The following TRAPPC9 variants were observed in gnomAD, a reference collection of about 807,000 sequenced individuals.
TRAPPC9 encodes the protein IKK2 binding protein.
TRAPPC9 carries 83 observed loss-of-function variants against 124.0 expected under a neutral mutation model. The ratio of observed to expected loss-of-function variants is 0.67; its 90% CI spans 0.56 to 0.80. The LOEUF (loss-of-function observed/expected upper bound fraction) is 0.80, where lower values mean the gene tolerates loss of function less well. TRAPPC9 is among the 30% of genes least tolerant of loss of function. The pLI, the probability that TRAPPC9 is intolerant of heterozygous loss-of-function variation, is 0.00. For missense variants in TRAPPC9, 1,302 were observed against 1,508.3 expected (o/e 0.86, Z 2.27); for synonymous variants, 638 against 617.5 (o/e 1.03, Z -0.49).
intron 21 of TRAPPC9, among the ~76,000 whole-genome samples, chr8:139,790,016 TG>T (rs1822543401): frequency 6.6e-6 from 1 of 152,016 alleles, no homozygotes; most frequent in African/African-American, 2.4e-5. Context: ...TGGGGTTATT[TG>T]GGGCCTGGCC....
intron 20 of TRAPPC9, among the ~76,000 whole-genome samples, chr8:139,893,063 G>A (rs754957659): frequency 2.0e-5 from 3 of 152,212 alleles, no homozygotes; most frequent in Non-Finnish European, 2.9e-5. Flanking sequence ...GGCCCTGTGG[G>A]AGTTAAACTC....
At chr8:139,791,243 G>A (rs766386494) in intron 21 of TRAPPC9, among the ~76,000 whole-genome samples, 2 of 152,084 alleles carry the variant, frequency 1.3e-5, no homozygotes, top group Non-Finnish European at 2.9e-5. Context: ...AGACACACTC[G>A]CACTCTAACA....
chr8:139,742,419 T>A lies in TRAPPC9; in HGVS notation c.3056-10217A>T, dbSNP rs1397937567. ...AGAACCCTCCAGAACTCCAAGCCCT[T>A]GACCTCCATATTTCAGGAGTTTCTC... On this transcript the variant is annotated intron_variant, in intron 21 of 22. Transcript: ENST00000438773. This position sits in a 1 kb window ranked among gnomAD's most constrained non-coding sequence, Gnocchi z 4.7. 3.3e-5 allele frequency among the ~76,000 whole-genome samples: 5 copies of A among 152,192 alleles called. No individual in the cohort carries two copies. The highest frequency in any genetic ancestry group is 9.6e-5 in the African/African-American group (4 of 41,456).
chr8:139,818,939 C>A (rs929884261), intron 21 of TRAPPC9, among the ~76,000 whole-genome samples: 19 of 152,214 alleles, frequency 1.2e-4, no homozygotes, highest in Non-Finnish European at 2.5e-4. Context: ...ACATCTTAAC[C>A]ACAAGATTGA....
At chr8:140,395,408 A>T (rs2069060808) in intron 7 of TRAPPC9, among the ~76,000 whole-genome samples, 1 of 152,234 alleles carries the variant, frequency 6.6e-6, no homozygotes. Context: ...GAACTGAGGC[A>T]CACAGAGGTT....
intron 11 of TRAPPC9, among the ~76,000 whole-genome samples, chr8:140,295,966 A>G (rs2065792482): frequency 6.6e-6 from 1 of 152,224 alleles, no homozygotes; most frequent in Admixed American, 6.5e-5. Context: ...ATTTGTCCTC[A>G]GCCCAGATGA....
At chr8:139,996,649 T>C (rs1318051422) in intron 18 of TRAPPC9, among the ~76,000 whole-genome samples, 2 of 152,042 alleles carry the variant, frequency 1.3e-5, no homozygotes, top group Admixed American at 1.3e-4. Context: ...AAATAAATAA[T>C]GGCCACACCC....
chr8:140,314,340 A>G (rs2066388923), intron 9 of TRAPPC9, among the ~76,000 whole-genome samples: 1 of 152,194 alleles, frequency 6.6e-6, no homozygotes, highest in Admixed American at 6.5e-5. Flanking sequence ...GATACATAAT[A>G]ATTGCACATA....
At chr8:139,814,597 C>T (rs1487719415) in intron 21 of TRAPPC9, among the ~76,000 whole-genome samples, 2 of 152,150 alleles carry the variant, frequency 1.3e-5, no homozygotes, top group East Asian at 3.9e-4. Context: ...GAAGCTGAGA[C>T]TCTGAAATAC....
At chr8:140,175,887 T>C (rs545330967) in intron 17 of TRAPPC9, among the ~76,000 whole-genome samples, 84 of 152,370 alleles carry the variant, frequency 5.5e-4, no homozygotes, top group South Asian at 1.2e-3. Context: ...AATCAATAAA[T>C]TGAAGCCATC....
chr8:139,908,282 G>T (rs2131264698), intron 20 of TRAPPC9, among the ~76,000 whole-genome samples: 1 of 152,300 alleles, frequency 6.6e-6, no homozygotes, highest in South Asian at 2.1e-4. Flanking sequence ...GGTGCTGCTG[G>T]CGCTGAGCTG....
At chr8:140,438,684 CTTTT>C (rs896677905) in intron 3 of TRAPPC9, among the ~76,000 whole-genome samples, 7 of 151,980 alleles carry the variant, frequency 4.6e-5, no homozygotes, top group Non-Finnish European at 1.0e-4. Flanking sequence ...CCTCTCATTT[CTTTT>C]TTTATTTTAT....
chr8:140,375,702 T>C (rs1431294547), intron 7 of TRAPPC9, among the ~76,000 whole-genome samples: 1 of 152,234 alleles, frequency 6.6e-6, no homozygotes, highest in Non-Finnish European at 1.5e-5. Flanking sequence ...ATATCACTGT[T>C]AGTTAATGCC....
chr8:139,824,853 G>A (rs1462155351), intron 21 of TRAPPC9, among the ~76,000 whole-genome samples: 1 of 152,222 alleles, frequency 6.6e-6, no homozygotes, highest in Non-Finnish European at 1.5e-5. Flanking sequence ...GTGAGCCACT[G>A]TGCCTAGCTG....
chr8:140,344,171 G>A (rs2067271451), intron 9 of TRAPPC9, among the ~76,000 whole-genome samples: 1 of 152,082 alleles, frequency 6.6e-6, no homozygotes, highest in Non-Finnish European at 1.5e-5. Context: ...GAGCTCCCTC[G>A]CCCCTTCCAG....
chr8:140,187,336 A>G (rs780343955), intron 17 of TRAPPC9, among the ~76,000 whole-genome samples: 4 of 152,192 alleles, frequency 2.6e-5, no homozygotes, highest in Non-Finnish European at 5.9e-5. Flanking sequence ...TATTTGCAAT[A>G]TACGTACTGG....
At chr8:140,038,541 T>C (rs910494933) in intron 17 of TRAPPC9, among the ~76,000 whole-genome samples, 4 of 152,190 alleles carry the variant, frequency 2.6e-5, no homozygotes, top group Non-Finnish European at 5.9e-5. Flanking sequence ...TGTGTGTGGA[T>C]GGATGAGTGG....
intron 11 of TRAPPC9, among the ~76,000 whole-genome samples, chr8:140,297,803 T>G (rs1427082180): frequency 6.6e-6 from 1 of 152,224 alleles, no homozygotes; most frequent in African/African-American, 2.4e-5. Flanking sequence ...TTATTCACAT[T>G]TAGTCTCGAT....
intron 4 of TRAPPC9, among the ~76,000 whole-genome samples, chr8:140,427,851 T>C (rs1052911095): frequency 5.3e-5 from 8 of 152,154 alleles, no homozygotes; most frequent in African/African-American, 1.9e-4. Context: ...GACGCCACCA[T>C]TAAAATAAAA....
Sources: gnomAD v4.1 joint callset for allele counts (sites outside exome capture counted in the v4.1 genomes callset) on GRCh38, gnomAD v4.1.1 for gene constraint, Gnocchi (gnomAD v3.1) non-coding constraint, MANE v1.5 for transcripts, NCBI Gene and HGNC (gene_info 2026-07-23, HGNC 2026-07-21) for gene names.